Variants in DLEU7 observed in about 807,000 individuals in gnomAD.
The protein encoded by DLEU7 is leukemia-associated protein 7.
A neutral mutation model predicts 16.0 loss-of-function variants in DLEU7; 17 were observed. The observed-to-expected ratio is 1.06, with a 90% confidence interval of 0.73 to 1.59. DLEU7 has a LOEUF of 1.59. Ranked by LOEUF, DLEU7 falls within the 40% of genes most tolerant of loss-of-function variation. The probability of loss-of-function intolerance (pLI) is 0.00; values close to 1 mark genes in which losing one functional copy is unlikely to be tolerated. For synonymous variants in DLEU7, 113 were observed against 139.8 expected (o/e 0.81, Z 1.35); for missense variants, 308 against 314.9 (o/e 0.98, Z 0.17).
chr13:50,819,794 G>A (rs571909293), downstream of DLEU7, among the ~76,000 whole-genome samples: 26 of 152,292 alleles, frequency 1.7e-4, no homozygotes, highest in African/African-American at 6.0e-4. Flanking sequence ...CGGCATCCAA[G>A]TAGAGATATT....
intron 1 of DLEU7, among the ~76,000 whole-genome samples, chr13:50,720,148 A>G (rs1357263364): frequency 6.6e-6 from 1 of 152,224 alleles, no homozygotes; most frequent in African/African-American, 2.4e-5. Context: ...ACAGTACTAC[A>G]GAAACACAGG....
intron 1 of DLEU7, among the ~76,000 whole-genome samples, chr13:50,830,332 A>G (rs1877222015): frequency 6.6e-6 from 1 of 152,232 alleles, no homozygotes; most frequent in African/African-American, 2.4e-5. Flanking sequence ...TTTATTTCAA[A>G]TGTGTATCAA....
chr13:50,843,721 C>T (rs1405998618), upstream of DLEU7: 15 of 1,464,878 alleles, frequency 1.0e-5, no homozygotes, highest in South Asian at 5.2e-5. The surrounding 1 kb of genome is among the most constrained non-coding windows in gnomAD (Gnocchi z 5.7). Context: ...GTTGGGGTCG[C>T]CAAGGTCACA....
chr13:50,753,422 A>G (rs1339282774), intron 1 of DLEU7, among the ~76,000 whole-genome samples: 5 of 152,202 alleles, frequency 3.3e-5, no homozygotes, highest in African/African-American at 1.2e-4. Flanking sequence ...AGGCTCAGGC[A>G]TGGCGGGCTG....
At chr13:50,757,558 C>T (rs563138442) in intron 1 of DLEU7, among the ~76,000 whole-genome samples, 15 of 152,240 alleles carry the variant, frequency 9.9e-5, no homozygotes, top group African/African-American at 2.9e-4. Flanking sequence ...TAAACTCGAG[C>T]GCTCACACCT....
intron 1 of DLEU7, among the ~76,000 whole-genome samples, chr13:50,833,775 C>G (rs1479361452): frequency 2.7e-4 from 41 of 152,154 alleles, no homozygotes; most frequent in Admixed American, 2.7e-3. Context: ...CATCACACTA[C>G]CTGACTTCAA....
At position 50,843,541 on chromosome 13, in the gene DLEU7, C is replaced by T; in HGVS notation, c.106G>A (p.Ala36Thr). The T allele has an allele frequency of 6.9e-7, 1 of 1,453,806 alleles. No homozygotes were observed. The highest frequency in any genetic ancestry group is 3.0e-5 in the East Asian group (1 of 33,360). 90.1% of individuals were successfully genotyped at this position (1,453,806 alleles called of 1,614,324 possible). ...QEWGWGDGPV[A>T]PGNPRDPDHV... ...TCTGGGTCCCGCGGGTTCCCGGGGG[C>T]GACTGGACCGTCCCCCCAGCCCCAC... The change falls in exon 1 of 2, where the codon GCC becomes ACC. Residue 36 changes from alanine (A) to threonine (T), a missense_variant. Ala to Thr is a moderately conservative substitution (Grantham distance 58, BLOSUM62 0). Transcript: ENST00000504404. The surrounding 1 kb of genome is among the most constrained non-coding windows in gnomAD (Gnocchi z 5.7).
intron 1 of DLEU7, among the ~76,000 whole-genome samples, chr13:50,720,872 G>A (rs1266816299): frequency 6.6e-6 from 1 of 152,174 alleles, no homozygotes; most frequent in African/African-American, 2.4e-5. Context: ...GAAAAAAAAT[G>A]TAGATTTGGC....
At chr13:50,837,465 A>G (rs1252243254) in intron 1 of DLEU7, among the ~76,000 whole-genome samples, 1 of 152,238 alleles carries the variant, frequency 6.6e-6, no homozygotes, top group Non-Finnish European at 1.5e-5. Flanking sequence ...AAAGCTATAC[A>G]TAAGCTACTT....
intron 1 of DLEU7, among the ~76,000 whole-genome samples, chr13:50,812,767 T>A (rs1045727112): frequency 6.6e-6 from 1 of 152,132 alleles, no homozygotes; most frequent in African/African-American, 2.4e-5. Flanking sequence ...TAAATCCAGT[T>A]ATACATATGT....
chr13:50,810,012 G>A (rs943521657), intron 1 of DLEU7, among the ~76,000 whole-genome samples: 2 of 141,284 alleles, frequency 1.4e-5, no homozygotes, highest in African/African-American at 5.3e-5. Flanking sequence ...TTCTCATGAT[G>A]CTTGGGGTAG....
chr13:50,734,004 C>T (rs1315677481), intron 1 of DLEU7, among the ~76,000 whole-genome samples: 1 of 152,158 alleles, frequency 6.6e-6, no homozygotes, highest in Non-Finnish European at 1.5e-5. Context: ...CATTGATGTG[C>T]AGTTTGTACA....
intron 1 of DLEU7, among the ~76,000 whole-genome samples, chr13:50,766,176 A>G (rs1875099483): frequency 6.6e-6 from 1 of 152,208 alleles, no homozygotes; most frequent in Admixed American, 6.5e-5. Flanking sequence ...ACCTATGTTG[A>G]TTAAGTCATG....
At chr13:50,713,456 C>T (rs1487150112) in intron 1 of DLEU7, among the ~76,000 whole-genome samples, 1 of 152,078 alleles carries the variant, frequency 6.6e-6, no homozygotes, top group African/African-American at 2.4e-5. Flanking sequence ...GTCAAACAAC[C>T]CAGGAAGAAG....
intron 1 of DLEU7, among the ~76,000 whole-genome samples, chr13:50,768,429 TC>T: frequency 3.2e-5 from 4 of 124,044 alleles, no homozygotes; most frequent in Non-Finnish European, 6.7e-5. Context: ...ATGCTATCCC[TC>T]CCCCCTCCCC....
intron 1 of DLEU7, among the ~76,000 whole-genome samples, chr13:50,816,292 C>G (rs1265746078): frequency 2.0e-5 from 3 of 152,128 alleles, no homozygotes; most frequent in Non-Finnish European, 4.4e-5. Flanking sequence ...TCTATTCCCT[C>G]TGAGTATGCC....
intron 1 of DLEU7, among the ~76,000 whole-genome samples, chr13:50,811,586 T>C (rs78372856): frequency 0.019 from 2,908 of 152,208 alleles, 90 homozygotes; most frequent in African/African-American, 0.063. Context: ...AATGGACCCA[T>C]CAAATGGGTT....
chr13:50,711,809 A>G (rs1238141732), downstream of DLEU7: 2 of 134,610 alleles, frequency 1.5e-5, no homozygotes, highest in Non-Finnish European at 3.2e-5. Flanking sequence ...CCTACATGAG[A>G]AAGCAGGCTC....
At chr13:50,750,501 G>A (rs1265799652) in intron 1 of DLEU7, among the ~76,000 whole-genome samples, 2 of 152,098 alleles carry the variant, frequency 1.3e-5, no homozygotes, top group African/African-American at 4.8e-5. Context: ...TGGAGATTGT[G>A]TTGAATTTGT....
Sources: gnomAD v4.1 joint callset for allele counts (sites outside exome capture counted in the v4.1 genomes callset) on GRCh38, gnomAD v4.1.1 for gene constraint, Gnocchi (gnomAD v3.1) non-coding constraint, MANE v1.5 for transcripts, NCBI Gene and HGNC (gene_info 2026-07-23, HGNC 2026-07-21) for gene names.